Variants in GNAI1 observed in about 807,000 individuals in gnomAD.
GNAI1 encodes the protein guanine nucleotide-binding protein G(i) subunit alpha-1.
GNAI1 carries 11 observed loss-of-function variants against 38.9 expected under a neutral mutation model. The observed-to-expected ratio is 0.28, with a 90% CI of 0.18 to 0.47. The LOEUF is 0.47. Ranked by LOEUF, GNAI1 falls within the 20% of genes least tolerant of loss-of-function variation. GNAI1 has a pLI of 0.99. For missense variants in GNAI1, 317 were observed against 436.9 expected, an observed-to-expected ratio of 0.73 and a Z score of 2.45; for synonymous variants, 166 against 145.1, an observed-to-expected ratio of 1.14 and a Z score of -1.04.
At chr7:80,206,490 T>C (rs1487769306) in intron 5 of GNAI1, among the ~76,000 whole-genome samples, 1 of 152,086 alleles carries the variant, frequency 6.6e-6, no homozygotes, top group Non-Finnish European at 1.5e-5. Flanking sequence ...AGTAATCAGA[T>C]ATGTCTGATC....
chr7:80,174,224 T>C (rs1376722237), intron 1 of GNAI1, among the ~76,000 whole-genome samples: 1 of 152,190 alleles, frequency 6.6e-6, no homozygotes, highest in Non-Finnish European at 1.5e-5. Flanking sequence ...ATTTGGAAAT[T>C]ACAGAAACAT....
At chr7:80,198,791 T>A (rs1788627762) in intron 3 of GNAI1, among the ~76,000 whole-genome samples, 1 of 152,216 alleles carries the variant, frequency 6.6e-6, no homozygotes, top group Non-Finnish European at 1.5e-5. Context: ...AAGCTAACAC[T>A]TAATTCAATT....
chr7:80,211,181 C>T lies in GNAI1; in HGVS notation c.720+83C>T, dbSNP rs561483867. ...AAGAATTTCTTTCTAATGTCTATAA[C>T]AATTTGAAAGTACAGGGTCTTTCCT... On this transcript the variant is annotated intron_variant, in intron 6 of 7. Transcript: ENST00000649796. 8 of 1,226,752 alleles carry T rather than the reference C, an allele frequency of 6.5e-6. 2 individuals are homozygous for T. In the African/African-American group the frequency reaches 1.2e-4, roughly 18 times the overall value. 76.0% of individuals were successfully genotyped at this position (1,226,752 alleles called of 1,614,324 possible).
At position 80,226,112 on chromosome 7, in the gene GNAI1, A is replaced by G. The variant is rs781153110; in HGVS notation, c.*8619A>G. Among the ~76,000 whole-genome samples the G allele has an allele frequency of 1.5e-4, 23 of 152,200 alleles. No homozygotes were observed. Among genetic ancestry groups the G allele is most frequent in the Non-Finnish European group, 2.9e-4 (20 of 68,024 alleles). ...ACAATTATGAAGAAAAAAAAAGACT[A>G]GATTTTATATCAACTTAATTGTCTT... On this transcript the variant is annotated 3_prime_UTR_variant, in exon 8 of 8. Transcript: ENST00000649796.
chr7:80,138,530 A>G lies in GNAI1; in HGVS notation c.118+3252A>G, dbSNP rs1021714678. Among the ~76,000 whole-genome samples, 6 of 152,090 alleles carry G rather than the reference A, an allele frequency of 3.9e-5. No homozygotes were observed. The East Asian group carries it at 1.2e-3, about 29-fold the overall frequency. On this transcript the variant is annotated intron_variant, in intron 1 of 7. Coordinates refer to ENST00000649796, the MANE Select transcript of GNAI1 (RefSeq NM_002069.6). ...ATATAATAATGTCTAATTGTTGAGG[A>G]AATTATTTTTTATTGTTATATCTTT...
At chr7:80,192,124 C>T (rs1788491476) in intron 3 of GNAI1, among the ~76,000 whole-genome samples, 1 of 152,142 alleles carries the variant, frequency 6.6e-6, no homozygotes, top group South Asian at 2.1e-4. Flanking sequence ...TTTTGCCTAG[C>T]ATATTTCTTT....
intron 1 of GNAI1, among the ~76,000 whole-genome samples, chr7:80,159,953 A>G (rs1787891677): frequency 6.6e-6 from 1 of 152,148 alleles, no homozygotes; most frequent in African/African-American, 2.4e-5. Flanking sequence ...GGCACTTGCT[A>G]GTACTGGTTA....
chr7:80,203,824 T>A lies in GNAI1; in HGVS notation c.582T>A (p.Leu194=). ...IVETHFTFKD[L]HFKMFDVGGQ... ...AAACCCATTTTACTTTCAAAGATCTTCATTTTAAGTGAGTAGCTTTGAAAT... is the reference window on the plus strand; with the variant it reads ...AAACCCATTTTACTTTCAAAGATCTACATTTTAAGTGAGTAGCTTTGAAAT... Residue 194 remains leucine, a synonymous_variant, in exon 5 of 8, where the codon CTT becomes CTA. Coordinates refer to ENST00000649796, the MANE Select transcript of GNAI1 (RefSeq NM_002069.6). 1 of 1,540,100 alleles carries A rather than the reference T, an allele frequency of 6.5e-7. No homozygotes were observed. The highest frequency in any genetic ancestry group is 8.9e-7 in the Non-Finnish European group (1 of 1,120,034).
At chr7:80,187,496 AG>A (rs1198460206) in intron 1 of GNAI1, 1 of 152,324 alleles carries the variant, frequency 6.6e-6, no homozygotes, top group East Asian at 1.9e-4. Flanking sequence ...AAAAATCACC[AG>A]GGTGGCAAGA....
chr7:80,199,141 T>C, intron 3 of GNAI1, 84 bp from the exon 4 acceptor site: 2 of 980,074 alleles, frequency 2.0e-6, no homozygotes, highest in Non-Finnish European at 3.0e-6. Flanking sequence ...TGCCTTTTTT[T>C]TTTTAACTCT....
intron 1 of GNAI1, among the ~76,000 whole-genome samples, chr7:80,137,899 G>T (rs914601103): frequency 6.6e-6 from 1 of 152,140 alleles, no homozygotes; most frequent in East Asian, 1.9e-4. Context: ...TCAATTCTTG[G>T]AATGTTCGAA....
At chr7:80,141,378 C>T (rs915711825) in intron 1 of GNAI1, among the ~76,000 whole-genome samples, 1 of 152,150 alleles carries the variant, frequency 6.6e-6, no homozygotes, top group Non-Finnish European at 1.5e-5. Context: ...GGACAAAATT[C>T]CTGTCTGTTT....
chr7:80,188,750 T>A (rs1406941900), intron 1 of GNAI1, among the ~76,000 whole-genome samples: 1 of 152,170 alleles, frequency 6.6e-6, no homozygotes, highest in Non-Finnish European at 1.5e-5. Flanking sequence ...TCATGTTGTA[T>A]GTTAGATCTT....
At chr7:80,158,006 G>C (rs1194699583) in intron 1 of GNAI1, among the ~76,000 whole-genome samples, 9 of 152,084 alleles carry the variant, frequency 5.9e-5, no homozygotes, top group Admixed American at 5.9e-4. Context: ...ACCACACCCG[G>C]CCCTGAAGAA....
At chr7:80,152,763 C>T (rs1372800908) in intron 1 of GNAI1, among the ~76,000 whole-genome samples, 4 of 151,824 alleles carry the variant, frequency 2.6e-5, no homozygotes, top group Non-Finnish European at 5.9e-5. Context: ...TGGGGTTTCA[C>T]TGTGTTAGCC....
intron 7 of GNAI1, among the ~76,000 whole-genome samples, chr7:80,215,835 C>G (rs1788959199): frequency 6.6e-6 from 1 of 152,098 alleles, no homozygotes; most frequent in Admixed American, 6.6e-5. Flanking sequence ...CAATTTTGAG[C>G]AAATGTGAAG....
intron 1 of GNAI1, among the ~76,000 whole-genome samples, chr7:80,167,860 A>G (rs1788038296): frequency 6.6e-6 from 1 of 152,242 alleles, no homozygotes; most frequent in African/African-American, 2.4e-5. Flanking sequence ...AAATCATGCA[A>G]AAAAAGTCTT....
chr7:80,161,977 CTG>C, intron 1 of GNAI1, among the ~76,000 whole-genome samples: 1 of 152,208 alleles, frequency 6.6e-6, no homozygotes, highest in South Asian at 2.1e-4. Flanking sequence ...TATCGAGTGT[CTG>C]TGCTGTGGAC....
At chr7:80,191,728 C>G (rs908748350) in intron 3 of GNAI1, among the ~76,000 whole-genome samples, 3 of 152,112 alleles carry the variant, frequency 2.0e-5, no homozygotes, top group African/African-American at 7.2e-5. Context: ...GAATATATTT[C>G]TATTTCTGGA....
Sources: allele counts gnomAD v4.1 joint callset (sites outside exome capture counted in the v4.1 genomes callset), GRCh38; gene constraint gnomAD v4.1.1; transcripts MANE v1.5; gene names NCBI Gene and HGNC (gene_info 2026-07-23, HGNC 2026-07-21).